The following RYR2 variants were observed in gnomAD, a reference collection of about 807,000 sequenced individuals.
The protein encoded by RYR2 is ryanodine receptor 2, also known as cardiac muscle ryanodine receptor-calcium release channel.
RYR2 carries 227 observed loss-of-function variants against 601.1 expected under a neutral mutation model. The ratio of observed to expected loss-of-function variants is 0.38; its 90% CI spans 0.34 to 0.42. The LOEUF is 0.42. Among genes scored for constraint, RYR2 ranks in the 10% least tolerant of loss-of-function variants. The pLI, the probability that RYR2 is intolerant of heterozygous loss-of-function variation, is 1.00. For synonymous variants in RYR2, 2,223 were observed against 2,175.1 expected (o/e 1.02, Z -0.61); for missense variants, 4,646 against 6,156.5 (o/e 0.75, Z 8.21).
At chr1:237,175,185 A>T (rs1413890579) in intron 1 of RYR2, among the ~76,000 whole-genome samples, 1 of 152,236 alleles carries the variant, frequency 6.6e-6, no homozygotes, top group African/African-American at 2.4e-5. Context: ...CAGATATATT[A>T]TGTACCATAT....
At chr1:237,082,297 CTAAGCAT>C (rs148319490) in intron 1 of RYR2, among the ~76,000 whole-genome samples, 6,013 of 151,998 alleles carry the variant, frequency 0.04, 377 homozygotes, top group African/African-American at 0.14. Flanking sequence ...GCACTAAGCA[CTAAGCAT>C]GACTCTATTC....
chr1:237,294,099 T>A (rs1469542485), intron 2 of RYR2, among the ~76,000 whole-genome samples: 2 of 152,212 alleles, frequency 1.3e-5, no homozygotes, highest in African/African-American at 2.4e-5. Flanking sequence ...TTAGGAGCTC[T>A]GTGTCAGGAA....
At chr1:237,456,764 C>T (rs1441824208) in intron 16 of RYR2, 29 bp downstream of exon 16, 2 of 1,610,718 alleles carry the variant, frequency 1.2e-6, no homozygotes, top group Admixed American at 1.7e-5. Context: ...TTCATAGCAA[C>T]AGAGTTATCT....
Position 237,118,093 on chromosome 1 carries a change from A to G in RYR2, c.48+75524A>G, listed in dbSNP as rs551209286. On this transcript the variant is annotated intron_variant, in intron 1 of 104. Transcript: ENST00000366574. ...TTTTCAAACTTTGTGGTTTTGCAACATGTACACAAATACCTGCAAATATCC... is the reference window on the plus strand; with the variant it reads ...TTTTCAAACTTTGTGGTTTTGCAACGTGTACACAAATACCTGCAAATATCC... Among the ~76,000 whole-genome samples the G allele has an allele frequency of 3.3e-4, 51 of 152,356 alleles. No homozygotes were observed. In the South Asian group the frequency reaches 8.9e-3, roughly 27 times the overall value.
chr1:237,712,132 G>A (rs1307266614), intron 71 of RYR2, among the ~76,000 whole-genome samples: 1 of 152,086 alleles, frequency 6.6e-6, no homozygotes, highest in Non-Finnish European at 1.5e-5. Flanking sequence ...AGAGGTCAGG[G>A]TCAGTCAGGA....
chr1:237,553,829 C>A (rs768625274), intron 27 of RYR2, among the ~76,000 whole-genome samples: 1 of 151,770 alleles, frequency 6.6e-6, no homozygotes, highest in Non-Finnish European at 1.5e-5. Context: ...CAACTGTACA[C>A]GAATATGAGA....
chr1:237,684,094 A>ATTT (rs1223468414), intron 62 of RYR2, among the ~76,000 whole-genome samples: 1 of 146,948 alleles, frequency 6.8e-6, no homozygotes, highest in South Asian at 2.2e-4. Context: ...TGCCCGGCTA[A>ATTT]TTTTTTTTTT....
intron 8 of RYR2, among the ~76,000 whole-genome samples, chr1:237,383,639 C>G (rs916570271): frequency 6.6e-6 from 1 of 151,944 alleles, no homozygotes; most frequent in South Asian, 2.1e-4. Context: ...CCGTGTTGGC[C>G]AGGATGGTCT....
chr1:237,446,862 A>G (rs1209221256), intron 14 of RYR2, among the ~76,000 whole-genome samples: 1 of 152,160 alleles, frequency 6.6e-6, no homozygotes, highest in Non-Finnish European at 1.5e-5. Context: ...GTAGTTTAAT[A>G]TAGTATTTAT....
chr1:237,790,779 C>G (rs1658289944), intron 92 of RYR2, among the ~76,000 whole-genome samples: 1 of 152,096 alleles, frequency 6.6e-6, no homozygotes, highest in Non-Finnish European at 1.5e-5. Flanking sequence ...TGGAGGGAGG[C>G]AGGCTTCATA....
At chr1:237,649,528 C>T (rs1026007065) in intron 49 of RYR2, among the ~76,000 whole-genome samples, 3 of 152,102 alleles carry the variant, frequency 2.0e-5, no homozygotes, top group African/African-American at 4.8e-5. Flanking sequence ...AGAATAAGCT[C>T]CTCTCTTTGC....
intron 1 of RYR2, among the ~76,000 whole-genome samples, chr1:237,129,264 A>G (rs1671887037): frequency 6.6e-6 from 1 of 152,168 alleles, no homozygotes; most frequent in South Asian, 2.1e-4. Flanking sequence ...TATAAGTCAG[A>G]CTTCTGCTTC....
At chr1:237,672,825 A>G (rs138524728) in intron 58 of RYR2, among the ~76,000 whole-genome samples, 65 of 152,282 alleles carry the variant, frequency 4.3e-4, no homozygotes, top group African/African-American at 1.3e-3. Flanking sequence ...TTATTAATAT[A>G]CTGTGAAGTA....
intron 39 of RYR2, 125 bp from the exon 40 acceptor site, chr1:237,625,536 C>A: frequency 1.1e-6 from 1 of 918,110 alleles, no homozygotes; most frequent in Non-Finnish European, 1.6e-6. Flanking sequence ...CATTGCTTAA[C>A]TTAATGTTAG....
At chr1:237,350,341 G>A (rs1419781700) in intron 3 of RYR2, among the ~76,000 whole-genome samples, 2 of 151,646 alleles carry the variant, frequency 1.3e-5, no homozygotes, top group Non-Finnish European at 2.9e-5. Context: ...TTTGGGAGGT[G>A]AGTGGATCCC....
At chr1:237,691,027 A>G (rs1686898283) in intron 63 of RYR2, among the ~76,000 whole-genome samples, 1 of 152,160 alleles carries the variant, frequency 6.6e-6, no homozygotes, top group Non-Finnish European at 1.5e-5. Flanking sequence ...GTCTACTTTT[A>G]TCATTTTCTT....
chr1:237,712,563 A>ACCCCC (rs1688937256), intron 71 of RYR2, among the ~76,000 whole-genome samples: 1 of 151,616 alleles, frequency 6.6e-6, no homozygotes, highest in Non-Finnish European at 1.5e-5. Flanking sequence ...ACACACACGC[A>ACCCCC]CCCCCCACTC....
chr1:237,826,972 G>T (rs1663167112), intron 101 of RYR2, among the ~76,000 whole-genome samples: 3 of 152,084 alleles, frequency 2.0e-5, no homozygotes, highest in Admixed American at 2.0e-4. Flanking sequence ...TTTACTTCCG[G>T]GCAACTTGGA....
rs746056928 is a variant in RYR2 at position 237,503,329 on chromosome 1, T to G, written c.2437T>G (p.Phe813Val). The stretch of plus-strand genomic sequence containing the variant: ...TGGAGGGCGACATGGAGAATTCAAA[T>G]TTCTTCCTCCACCTGGGTATGCTCC... ...LLGGRHGEFK[F>V]LPPPGYAPCY... is the part of the protein sequence containing the mutation. The change falls in exon 22 of 105, where the codon TTT becomes GTT. Residue 813 changes from phenylalanine to valine, a missense_variant. By Grantham distance (50) the Phe-to-Val change is conservative (BLOSUM62 -1). Coordinates refer to ENST00000366574, the MANE Select transcript of RYR2 (RefSeq NM_001035.3). The G allele has an allele frequency of 6.2e-7, 1 of 1,613,600 alleles. No individual in the cohort carries two copies. Among genetic ancestry groups the G allele is most frequent in the Non-Finnish European group, 8.5e-7 (1 of 1,179,684 alleles).
Sources: gnomAD v4.1 joint callset for allele counts (sites outside exome capture counted in the v4.1 genomes callset) on GRCh38, gnomAD v4.1.1 for gene constraint, MANE v1.5 for transcripts, NCBI Gene and HGNC (gene_info 2026-07-23, HGNC 2026-07-21) for gene names.